Variants in ZNF90 observed in about 807,000 individuals in gnomAD.
ZNF90 encodes the protein zinc finger protein 90.
ZNF90 carries 11 observed loss-of-function variants against 12.0 expected under a neutral mutation model. That is an observed-to-expected ratio of 0.92 (90% CI 0.58 to 1.52). ZNF90 has a LOEUF of 1.52. ZNF90 is among the 40% of genes most tolerant of loss of function. ZNF90 has a pLI of 0.00. For synonymous variants in ZNF90, 232 were observed against 240.1 expected, an observed-to-expected ratio of 0.97 and a Z score of 0.31; for missense variants, 765 against 711.5, an observed-to-expected ratio of 1.08 and a Z score of -0.86.
intron 3 of ZNF90, among the ~76,000 whole-genome samples, chr19:20,117,013 T>TGTGTG (rs2089142681): frequency 3.1e-5 from 4 of 128,666 alleles, no homozygotes; most frequent in East Asian, 4.9e-4. Flanking sequence ...CAACTTACAT[T>TGTGTG]TGTGTGTGTG....
rs782627502 is a variant in ZNF90, at chr19:20,119,196, C to A, written c.1642C>A (p.Arg548Ser). 6.2e-7 allele frequency: 1 copy of A among 1,613,334 alleles called. No homozygotes were observed. The highest frequency in any genetic ancestry group is 8.5e-7 in the Non-Finnish European group (1 of 1,179,784). Residue 548 changes from arginine (R) to serine (S), a missense_variant, in exon 4 of 4, where the codon CGC becomes AGC. Transcript: ENST00000418063. The stretch of plus-strand genomic sequence containing the variant: ...TGAAGAATGTGGCAAAGCCTTTAAG[C>A]GCTCCTCACAGCTTACTAGTCATAA... ...KCEECGKAFK[R>S]SSQLTSHKIS...
intron 3 of ZNF90, among the ~76,000 whole-genome samples, chr19:20,105,885 A>G (rs1308289297): frequency 6.6e-6 from 1 of 152,014 alleles, no homozygotes; most frequent in Admixed American, 6.6e-5. Context: ...TTAGAATTGT[A>G]TTTTCCATTT....
intron 3 of ZNF90, among the ~76,000 whole-genome samples, chr19:20,106,362 A>G (rs1260160373): frequency 2.6e-5 from 4 of 152,166 alleles, no homozygotes; most frequent in African/African-American, 9.7e-5. Context: ...TTCTTCTGCC[A>G]CATATTTCCA....
chr19:20,102,560 G>T (rs1297492874), intron 1 of ZNF90, among the ~76,000 whole-genome samples: 1 of 152,176 alleles, frequency 6.6e-6, no homozygotes, highest in Non-Finnish European at 1.5e-5. Context: ...TTCTATAGAA[G>T]TATATTTGCC....
At chr19:20,078,681 C>A (rs550995788) in intron 1 of ZNF90, among the ~76,000 whole-genome samples, 1 of 152,174 alleles carries the variant, frequency 6.6e-6, no homozygotes, top group African/African-American at 2.4e-5. Context: ...CACCCCTACC[C>A]CTTCTTCTCC....
Position 20,121,115 on chromosome 19 carries a change from T to G in ZNF90, c.*1755T>G, listed in dbSNP as rs72998610. On this transcript the variant is annotated 3_prime_UTR_variant, in exon 4 of 4. Coordinates refer to ENST00000418063, the MANE Select transcript of ZNF90 (RefSeq NM_007138.2). ...AATTACAGTTAAAGGTATATTAAAT[T>G]ACTGTATTATTTTACTAATTTTATG... 4,242 of 188,492 alleles carry G rather than the reference T, an allele frequency of 0.023. 94 individuals carry two copies. The highest frequency in any genetic ancestry group is 0.068 in the South Asian group (939 of 13,752). The allele number at this position is 188,492 out of a possible 1,614,324, so 11.7% of individuals were successfully genotyped here. A position where few individuals can be genotyped will look rare whatever the true frequency, so the allele number is the denominator to read the frequency against.
Position 20,106,969 on chromosome 19 carries a change from T to C in ZNF90, c.226+1653T>C, listed in dbSNP as rs782521859. 26 of 454,458 alleles carry C rather than the reference T, an allele frequency of 5.7e-5. 1 individual carries two copies. The highest frequency in any genetic ancestry group is 3.7e-4 in the South Asian group (24 of 64,472). 28.2% of individuals were successfully genotyped at this position (454,458 alleles called of 1,614,324 possible). On this transcript the variant is annotated intron_variant, in intron 3 of 3. Coordinates refer to ENST00000418063, the MANE Select transcript of ZNF90 (RefSeq NM_007138.2). ...ACAGGCTGAATATCCTTCAGGACTTTGCTCTGTAGGGCAGACACTAGGGCA... is the reference window on the plus strand; with the variant it reads ...ACAGGCTGAATATCCTTCAGGACTTCGCTCTGTAGGGCAGACACTAGGGCA...
intron 1 of ZNF90, among the ~76,000 whole-genome samples, chr19:20,095,521 G>A (rs2088937131): frequency 6.6e-6 from 1 of 151,984 alleles, no homozygotes; most frequent in Admixed American, 6.6e-5. Flanking sequence ...AGACACGGAG[G>A]GAAGGGGTTC....
chr19:20,079,236 C>G (rs372005830), intron 1 of ZNF90, among the ~76,000 whole-genome samples: 8 of 151,278 alleles, frequency 5.3e-5, no homozygotes, highest in African/African-American at 1.5e-4. Context: ...GTGAATAACT[C>G]TGGCATGGAA....
In ZNF90 at chr19:20,100,017, G is replaced by A. The variant is rs184230535; in HGVS notation, c.4-4222G>A. On this transcript the variant is annotated intron_variant, in intron 1 of 3. Coordinates refer to ENST00000418063, the MANE Select transcript of ZNF90 (RefSeq NM_007138.2). ...AGGAAATAGAAGTGAACCGCCAAGC[G>A]GATACTGAAGCCAAAAGAGCTGCAA... Among the ~76,000 whole-genome samples, 285 of 152,162 alleles carry A rather than the reference G, an allele frequency of 1.9e-3. 1 individual carries two copies. Among genetic ancestry groups the A allele is most frequent in the African/African-American group, 6.5e-3 (270 of 41,512 alleles).
intron 1 of ZNF90, among the ~76,000 whole-genome samples, chr19:20,101,946 A>G (rs1397794160): frequency 2.6e-5 from 4 of 152,138 alleles, no homozygotes; most frequent in Non-Finnish European, 1.5e-5. Context: ...GTCTCTGAAA[A>G]ATATTTCTTT....
At chr19:20,089,832 C>T (rs1370566280) in intron 1 of ZNF90, among the ~76,000 whole-genome samples, 1 of 151,910 alleles carries the variant, frequency 6.6e-6, no homozygotes, top group African/African-American at 2.4e-5. Context: ...GCTGTGTAGG[C>T]ACTGGAAGAA....
chr19:20,115,590 TCATTA>T (rs2089130444), intron 3 of ZNF90, among the ~76,000 whole-genome samples: 1 of 151,986 alleles, frequency 6.6e-6, no homozygotes, highest in Non-Finnish European at 1.5e-5. Context: ...AAATTCTTCA[TCATTA>T]CATCTGCTGC....
At chr19:20,117,677 G>A (rs782759454) in intron 3 of ZNF90, 104 bp from the exon 4 acceptor site, 3 of 1,413,776 alleles carry the variant, frequency 2.1e-6, no homozygotes, top group Admixed American at 3.3e-5. Flanking sequence ...TTTCAGTTAT[G>A]TGTTTTCATT....
intron 1 of ZNF90, among the ~76,000 whole-genome samples, chr19:20,082,816 AGAGGAAG>A: frequency 6.6e-6 from 1 of 152,326 alleles, no homozygotes; most frequent in Middle Eastern, 3.4e-3. Flanking sequence ...AGTTGAGATA[AGAGGAAG>A]GCATCTGTCT....
At chr19:20,106,797 G>A (rs1406400079) in intron 3 of ZNF90, among the ~76,000 whole-genome samples, 3 of 152,158 alleles carry the variant, frequency 2.0e-5, no homozygotes, top group Non-Finnish European at 4.4e-5. Flanking sequence ...TCTTTTGTTG[G>A]GCCCTTAGTG....
intron 1 of ZNF90, among the ~76,000 whole-genome samples, chr19:20,103,002 G>A (rs545170887): frequency 2.0e-5 from 3 of 152,162 alleles, no homozygotes; most frequent in South Asian, 4.2e-4. Context: ...TTTTTTGGGA[G>A]GAATATGTTG....
intron 1 of ZNF90, chr19:20,079,727 G>T: frequency 5.1e-6 from 1 of 195,488 alleles, no homozygotes; most frequent in Non-Finnish European, 1.1e-5. Flanking sequence ...TCAAAGTTCA[G>T]GAGCTTGAGG....
At chr19:20,111,884 AGTCTCACTCTATT>A (rs1200508506) in intron 3 of ZNF90, among the ~76,000 whole-genome samples, 2 of 148,544 alleles carry the variant, frequency 1.3e-5, no homozygotes, top group African/African-American at 5.1e-5. Context: ...TTTGGGATGG[AGTCTCACTCTATT>A]GCCCAGGCTG....
Sources: allele counts gnomAD v4.1 joint callset (sites outside exome capture counted in the v4.1 genomes callset), GRCh38; gene constraint gnomAD v4.1.1; transcripts MANE v1.5; gene names NCBI Gene and HGNC (gene_info 2026-07-23, HGNC 2026-07-21).